The following SORL1 variants were observed in gnomAD, a reference collection of about 807,000 sequenced individuals.
The protein encoded by SORL1 is sortilin-related receptor.
In SORL1, 127 loss-of-function variants were observed where a neutral mutation model predicts 273.7. The observed-to-expected ratio is 0.46, with a 90% CI of 0.40 to 0.54. SORL1 has a LOEUF of 0.54. Ranked by LOEUF, SORL1 falls within the 20% of genes least tolerant of loss-of-function variation. The probability of loss-of-function intolerance (pLI) is 0.00; values close to 1 mark genes in which losing one functional copy is unlikely to be tolerated. For synonymous variants in SORL1, 1,031 were observed against 1,067.4 expected (o/e 0.97, Z 0.66); for missense variants, 2,494 against 2,846.1 (o/e 0.88, Z 2.81).
intron 4 of SORL1, among the ~76,000 whole-genome samples, chr11:121,489,437 T>A (rs1211933929): frequency 1.3e-5 from 2 of 152,220 alleles, no homozygotes; most frequent in Non-Finnish European, 2.9e-5. Flanking sequence ...TCTCTATGCT[T>A]TTGCCTACTC....
At chr11:121,499,685 G>A (rs1185722572) in intron 6 of SORL1, among the ~76,000 whole-genome samples, 1 of 152,188 alleles carries the variant, frequency 6.6e-6, no homozygotes, top group Non-Finnish European at 1.5e-5. Flanking sequence ...AACAAAGTTG[G>A]CCTCGGTCAG....
chr11:121,589,117 C>T, intron 28 of SORL1, 142 bp from the exon 29 acceptor site: 7 of 828,684 alleles, frequency 8.4e-6, no homozygotes, highest in South Asian at 4.6e-5. Flanking sequence ...TTAGGTTTGG[C>T]TTTTGCTTTC....
intron 3 of SORL1, among the ~76,000 whole-genome samples, chr11:121,485,206 A>G (rs903308258): frequency 1.3e-5 from 2 of 152,188 alleles, no homozygotes; most frequent in Non-Finnish European, 2.9e-5. Flanking sequence ...TGAGATGATC[A>G]GGGGCTGGGG....
chr11:121,537,338 G>A (rs1862280954), intron 12 of SORL1, among the ~76,000 whole-genome samples: 1 of 152,308 alleles, frequency 6.6e-6, no homozygotes, highest in South Asian at 2.1e-4. Context: ...TGGCAGAATG[G>A]AGAGGATGGA....
At chr11:121,561,751 C>G (rs1007988938) in intron 21 of SORL1, among the ~76,000 whole-genome samples, 1 of 150,620 alleles carries the variant, frequency 6.6e-6, no homozygotes, top group Admixed American at 6.6e-5. Flanking sequence ...CAGACCTGGA[C>G]CTGTGCATGG....
At chr11:121,522,419 C>G (rs186805964) in intron 9 of SORL1, among the ~76,000 whole-genome samples, 167 bp from the exon 10 acceptor site, 6 of 152,308 alleles carry the variant, frequency 3.9e-5, no homozygotes, top group Admixed American at 2.6e-4. Context: ...AGATGATCCT[C>G]TCTGTCTGGG....
At chr11:121,578,283 A>G (rs936224718) in intron 25 of SORL1, among the ~76,000 whole-genome samples, 5 of 152,172 alleles carry the variant, frequency 3.3e-5, no homozygotes, top group African/African-American at 1.2e-4. Flanking sequence ...GATAATTCAG[A>G]CTTCATTGTG....
chr11:121,581,993 C>A (rs150694907), intron 25 of SORL1, among the ~76,000 whole-genome samples: 87 of 152,344 alleles, frequency 5.7e-4, no homozygotes, highest in Middle Eastern at 3.4e-3. Context: ...ATGCATGATA[C>A]ATTTATTCCT....
At chr11:121,542,920 G>A (rs747121029) in intron 12 of SORL1, among the ~76,000 whole-genome samples, 1 of 151,154 alleles carries the variant, frequency 6.6e-6, no homozygotes, top group Non-Finnish European at 1.5e-5. Flanking sequence ...GCTCATGACT[G>A]TAATCCCAGC....
At chr11:121,606,259 G>A (rs996903348) in intron 35 of SORL1, among the ~76,000 whole-genome samples, 3 of 152,154 alleles carry the variant, frequency 2.0e-5, no homozygotes, top group Non-Finnish European at 2.9e-5. Flanking sequence ...CCAAATTTAT[G>A]TGTCTAAGAG....
intron 23 of SORL1, among the ~76,000 whole-genome samples, chr11:121,572,817 TG>T (rs1218165489): frequency 1.3e-5 from 2 of 152,168 alleles, no homozygotes; most frequent in Non-Finnish European, 2.9e-5. Flanking sequence ...CGCGAATCCC[TG>T]CAGTCTTGTC....
At chr11:121,532,935 C>T (rs1479899617) in intron 12 of SORL1, among the ~76,000 whole-genome samples, 2 of 152,068 alleles carry the variant, frequency 1.3e-5, no homozygotes, top group African/African-American at 2.4e-5. Context: ...CCACCTGCTT[C>T]GGCCTCCCAA....
intron 12 of SORL1, among the ~76,000 whole-genome samples, chr11:121,534,333 T>C (rs1034751037): frequency 3.3e-5 from 5 of 152,326 alleles, no homozygotes; most frequent in Admixed American, 1.3e-4. Context: ...TGTCGGTGCA[T>C]ATGTGCTCAG....
intron 5 of SORL1, among the ~76,000 whole-genome samples, chr11:121,495,151 A>G (rs656338): frequency 0.4 from 61,540 of 152,028 alleles, 12,901 homozygotes; most frequent in East Asian, 0.55. Flanking sequence ...TGGCACAATC[A>G]TGGCTCACCC....
chr11:121,568,776 G>T (rs1862790709), intron 22 of SORL1, among the ~76,000 whole-genome samples: 1 of 152,170 alleles, frequency 6.6e-6, no homozygotes, highest in Admixed American at 6.5e-5. Flanking sequence ...AGACTCAACT[G>T]GTATTGTGGT....
intron 5 of SORL1, among the ~76,000 whole-genome samples, chr11:121,491,946 C>A (rs1185576288): frequency 6.6e-6 from 1 of 152,168 alleles, no homozygotes; most frequent in Non-Finnish European, 1.5e-5. Flanking sequence ...TTTTCTCTGC[C>A]TAAAATGCTG....
At chr11:121,471,493 G>C (rs1387830759) in intron 2 of SORL1, among the ~76,000 whole-genome samples, 1 of 152,240 alleles carries the variant, frequency 6.6e-6, no homozygotes, top group African/African-American at 2.4e-5. Context: ...CCCTGCCTCA[G>C]CCTGGGGTCT....
chr11:121,513,184 G>C, intron 7 of SORL1, 80 bp downstream of exon 7: 1 of 1,033,238 alleles, frequency 9.7e-7, no homozygotes, highest in Non-Finnish European at 1.5e-6. Flanking sequence ...TGCAGGGATG[G>C]CCTGCTGGAG....
Position 121,478,226 on chromosome 11 carries a change from C to T in SORL1, c.511C>T (p.Pro171Ser), listed in dbSNP as rs764324466. The change falls in exon 3 of 48, where the codon CCT (proline) becomes TCT (serine). Residue 171 changes from proline (P) to serine (S), a missense_variant. By Grantham distance (74) the Pro-to-Ser change is moderately conservative. Transcript: ENST00000260197. Reference sequence around the variant, plus strand: ...TGTTATCGCCCAGTTCTACCACAGCCCTGCGGACAACAAGCGGGTAAGGAA... The same window carrying T: ...TGTTATCGCCCAGTTCTACCACAGCTCTGCGGACAACAAGCGGGTAAGGAA... ...EAVIAQFYHSPADNKRYIFAD... is the reference protein window; with the variant it reads ...EAVIAQFYHSSADNKRYIFAD... 4.3e-6 allele frequency: 7 copies of T among 1,614,054 alleles called. No individual in the cohort carries two copies. Among genetic ancestry groups the T allele is most frequent in the Middle Eastern group, 3.3e-4 (2 of 6,062 alleles).
Sources: gnomAD v4.1 joint callset for allele counts (sites outside exome capture counted in the v4.1 genomes callset) on GRCh38, gnomAD v4.1.1 for gene constraint, MANE v1.5 for transcripts, NCBI Gene and HGNC (gene_info 2026-07-23, HGNC 2026-07-21) for gene names.